The following NTN4 variants were observed in gnomAD, a reference collection of about 807,000 sequenced individuals.
The protein encoded by NTN4 is netrin 4.
In NTN4, 32 loss-of-function variants were observed where a neutral mutation model predicts 73.6. The ratio of observed to expected loss-of-function variants is 0.44; its 90% confidence interval spans 0.33 to 0.58. The LOEUF (loss-of-function observed/expected upper bound fraction) is 0.58, where lower values mean the gene tolerates loss of function less well. Among genes scored for constraint, NTN4 ranks in the 20% least tolerant of loss-of-function variants. NTN4 has a pLI of 0.04. For synonymous variants in NTN4, 258 were observed against 287.5 expected (o/e 0.90, Z 1.04); for missense variants, 654 against 798.3 (o/e 0.82, Z 2.18).
rs552284965 is a variant in NTN4, at chr12:95,776,504, C to T, written c.585+10435G>A. Among the ~76,000 whole-genome samples the T allele has an allele frequency of 2.6e-5, 4 of 152,230 alleles. No individual in the cohort carries two copies. The South Asian group carries it at 6.2e-4, about 24-fold the overall frequency. ...GCTGAAAACCGTGGCATGAGAACTACGTGACACATGCATAAGCTTCAGTAG... is the reference window on the plus strand; with the variant it reads ...GCTGAAAACCGTGGCATGAGAACTATGTGACACATGCATAAGCTTCAGTAG... On this transcript the variant is annotated intron_variant, in intron 2 of 9. Transcript: ENST00000343702.
chr12:95,737,953 C>T lies in NTN4; in HGVS notation c.777G>A (p.Lys259=), dbSNP rs750405060. Residue 259 remains lysine (K), a synonymous_variant, in exon 3 of 10, where the codon AAG becomes AAA. Coordinates refer to ENST00000343702, the MANE Select transcript of NTN4 (RefSeq NM_021229.4). The part of the protein sequence containing the change: ...THYAIYDFIV[K]GSCFCNGHAD... ...CGTGGCCATTGCAGAAGCAGCTGCCCTTGACAATGAAATCATAGATTGCAT... is the reference window on the plus strand; with the variant it reads ...CGTGGCCATTGCAGAAGCAGCTGCCTTTGACAATGAAATCATAGATTGCAT... The T allele has an allele frequency of 1.4e-5, 22 of 1,613,920 alleles. No individual in the cohort carries two copies. The African/African-American group carries it at 2.8e-4, about 21-fold the overall frequency.
At chr12:95,733,839 G>A (rs1274983794) in intron 3 of NTN4, among the ~76,000 whole-genome samples, 1 of 152,088 alleles carries the variant, frequency 6.6e-6, no homozygotes, top group Non-Finnish European at 1.5e-5. Flanking sequence ...GAAGGCCGAG[G>A]CAAGCAGATC....
chr12:95,755,370 G>A (rs1220811393), intron 2 of NTN4, among the ~76,000 whole-genome samples: 1 of 152,196 alleles, frequency 6.6e-6, no homozygotes, highest in African/African-American at 2.4e-5. Flanking sequence ...GGGTTGCAGC[G>A]AGTGGGAGTT....
At chr12:95,745,012 T>C (rs1414838806) in intron 2 of NTN4, among the ~76,000 whole-genome samples, 1 of 152,096 alleles carries the variant, frequency 6.6e-6, no homozygotes, top group Non-Finnish European at 1.5e-5. Flanking sequence ...CAAAAAGCTT[T>C]TGTCATTCTT....
At position 95,682,057 on chromosome 12, in the gene NTN4, C is replaced by CTTTTTTTTTTTTTTTTT. The variant is rs557973212; in HGVS notation, c.1510+633_1510+649dup. 1.2e-3 allele frequency among the ~76,000 whole-genome samples: 79 copies of CTTTTTTTTTTTTTTTTT among 64,538 alleles called. 21 individuals carry two copies. Among genetic ancestry groups the CTTTTTTTTTTTTTTTTT allele is most frequent in the Admixed American group, 1.3e-3 (5 of 3,902 alleles). 42.3% of individuals were successfully genotyped at this position (64,538 alleles called of 152,430 possible). On this transcript the variant is annotated intron_variant, in intron 7 of 9. Coordinates refer to ENST00000343702, the MANE Select transcript of NTN4 (RefSeq NM_021229.4). Reference sequence around the variant, plus strand: ...TTCCAAACCTAATATATTCAGTAGGCTTTTTTTTTTTTTTTTTTTTTTTGA... The same window carrying CTTTTTTTTTTTTTTTTT: ...TTCCAAACCTAATATATTCAGTAGGCTTTTTTTTTTTTTTTTTTTTTTTTTTTTTTTTTTTTTTTTGA...
chr12:95,684,474 A>AT (rs76061768), intron 5 of NTN4, among the ~76,000 whole-genome samples: 14 of 149,120 alleles, frequency 9.4e-5, no homozygotes, highest in East Asian at 5.9e-4. Flanking sequence ...ACTTAAAAAA[A>AT]ATTTTTTTTT....
At chr12:95,709,038 A>G (rs2078542693) in intron 5 of NTN4, among the ~76,000 whole-genome samples, 2 of 152,214 alleles carry the variant, frequency 1.3e-5, no homozygotes, top group Non-Finnish European at 1.5e-5. Flanking sequence ...GAGCAGTACT[A>G]TATTTTATCT....
chr12:95,707,660 A>C (rs1244091707), intron 5 of NTN4, among the ~76,000 whole-genome samples: 1 of 152,196 alleles, frequency 6.6e-6, no homozygotes, highest in Non-Finnish European at 1.5e-5. Context: ...CTCTATCAGA[A>C]TATAAGCTCC....
rs1359972617 is a variant in NTN4 at position 95,659,199 on chromosome 12, G to T, written c.1774C>A (p.His592Asn). 3.7e-6 allele frequency: 6 copies of T among 1,613,202 alleles called. No homozygotes were observed. In the African/African-American group the frequency reaches 5.3e-5, roughly 14 times the overall value. ...AGTTTGCCTGTTCTTATATCCTCAT[G>T]TCCTGCTACAAGGTATTCCAAACCT... ...NPGLEYLVAG[H>N]EDIRTGKLIV... is the part of the protein sequence containing the mutation. The change falls in exon 10 of 10, where the codon CAT becomes AAT. Residue 592 changes from histidine (H) to asparagine (N), a missense_variant. Physicochemically the swap from His to Asn is moderately conservative, Grantham distance 68. Transcript: ENST00000343702.
intron 5 of NTN4, among the ~76,000 whole-genome samples, chr12:95,709,540 C>CTT (rs63616060): frequency 0.1 from 13,923 of 137,032 alleles, 1,240 homozygotes; most frequent in East Asian, 0.54. Context: ...CTCTCTCTCT[C>CTT]TTTTTTTTTT....
intron 2 of NTN4, among the ~76,000 whole-genome samples, chr12:95,770,845 C>T (rs11108253): frequency 0.25 from 37,914 of 151,970 alleles, 5,904 homozygotes; most frequent in African/African-American, 0.44. Context: ...GTAACATCAG[C>T]AAACATAGCA....
chr12:95,664,643 T>C (rs556161269), intron 9 of NTN4, among the ~76,000 whole-genome samples: 24 of 151,858 alleles, frequency 1.6e-4, no homozygotes, highest in Non-Finnish European at 2.6e-4. Flanking sequence ...GATGGAGTCT[T>C]GCTCTGTCAC....
chr12:95,754,225 T>C (rs1282543312), intron 2 of NTN4, among the ~76,000 whole-genome samples: 3 of 152,100 alleles, frequency 2.0e-5, no homozygotes, highest in East Asian at 3.8e-4. Context: ...CACCAATCAT[T>C]CTATAAGACA....
chr12:95,723,205 C>T (rs889776858), intron 3 of NTN4, among the ~76,000 whole-genome samples: 1 of 151,890 alleles, frequency 6.6e-6, no homozygotes, highest in Non-Finnish European at 1.5e-5. Flanking sequence ...TCAAATATAG[C>T]ATCTTTTGGG....
At chr12:95,776,929 C>G in intron 2 of NTN4, among the ~76,000 whole-genome samples, 1 of 152,020 alleles carries the variant, frequency 6.6e-6, no homozygotes, top group East Asian at 1.9e-4. Flanking sequence ...AGGTTACCCA[C>G]AAAGGGAAGT....
At chr12:95,721,239 G>A (rs761536727) in intron 3 of NTN4, among the ~76,000 whole-genome samples, 6 of 152,080 alleles carry the variant, frequency 3.9e-5, no homozygotes, top group African/African-American at 9.7e-5. Context: ...GGACAGAGTC[G>A]GGTTTGGACT....
chr12:95,743,564 A>C (rs1237397698), intron 2 of NTN4, among the ~76,000 whole-genome samples: 1 of 152,168 alleles, frequency 6.6e-6, no homozygotes, highest in African/African-American at 2.4e-5. Flanking sequence ...TCAATTTCAA[A>C]ATACTCCTGA....
chr12:95,672,593 G>A (rs1474763423), intron 7 of NTN4: 38 of 1,526,212 alleles, frequency 2.5e-5, no homozygotes, highest in African/African-American at 5.5e-5. Context: ...GGGTCTGACC[G>A]ATCTCGGTAA....
At chr12:95,746,918 T>G (rs539152602) in intron 2 of NTN4, among the ~76,000 whole-genome samples, 2,380 of 152,314 alleles carry the variant, frequency 0.016, 22 homozygotes, top group East Asian at 0.04. Flanking sequence ...ACATATTTTG[T>G]CCAGTTTTTT....
Sources: allele counts gnomAD v4.1 joint callset (sites outside exome capture counted in the v4.1 genomes callset), GRCh38; gene constraint gnomAD v4.1.1; transcripts MANE v1.5; gene names NCBI Gene and HGNC (gene_info 2026-07-23, HGNC 2026-07-21).